Variants in MUCL1 observed in about 807,000 individuals in gnomAD.
MUCL1 encodes mucin-like protein 1.
In MUCL1, 11 loss-of-function variants were observed where a neutral mutation model predicts 9.2. The observed-to-expected ratio is 1.19, with a 90% CI of 0.75 to 1.97. The LOEUF (loss-of-function observed/expected upper bound fraction) is 1.97, where lower values mean the gene tolerates loss of function less well. Ranked by LOEUF, MUCL1 falls within the 30% of genes most tolerant of loss-of-function variation. The pLI is 0.00. For synonymous variants in MUCL1, 48 were observed against 40.5 expected, an observed-to-expected ratio of 1.19 and a Z score of -0.71; for missense variants, 144 against 110.9, an observed-to-expected ratio of 1.30 and a Z score of -1.34.
At chr12:54,855,791 G>A (rs1442086470) in intron 2 of MUCL1, among the ~76,000 whole-genome samples, 4 of 152,174 alleles carry the variant, frequency 2.6e-5, no homozygotes, top group Non-Finnish European at 2.9e-5. Flanking sequence ...AAGTTAAGGG[G>A]GTCTGTCTTT....
At chr12:54,856,240 C>A (rs1465607851) in intron 2 of MUCL1, among the ~76,000 whole-genome samples, 1 of 151,212 alleles carries the variant, frequency 6.6e-6, no homozygotes, top group Non-Finnish European at 1.5e-5. Context: ...TCTTTTCATT[C>A]TAGAACCTGA....
In MUCL1 at chr12:54,856,771, T is replaced by G; in HGVS notation, c.102T>G (p.Thr34=). Residue 34 remains threonine, a splice_region_variant and synonymous_variant, in exon 3 of 4, where the codon ACT becomes ACG. Coordinates refer to ENST00000308796, the MANE Select transcript of MUCL1 (RefSeq NM_058173.3). The part of the protein sequence containing the change: ...TAAPADTYPA[T]GPADDEAPDA... ...TAGAGCTTTTCCTTCTAATTTCAGC[T>G]GGTCCTGCTGATGATGAAGCCCCTG... 1.9e-6 allele frequency: 3 copies of G among 1,610,636 alleles called. No individual in the cohort carries two copies. Among genetic ancestry groups the G allele is most frequent in the Non-Finnish European group, 2.5e-6 (3 of 1,178,364 alleles).
chr12:54,836,063 C>T (rs944137641), upstream of MUCL1, among the ~76,000 whole-genome samples: 1 of 152,032 alleles, frequency 6.6e-6, no homozygotes, highest in Non-Finnish European at 1.5e-5. Flanking sequence ...GTTATGTCCT[C>T]TTCATGCTTT....
At chr12:54,852,561 T>C (rs1868260294), upstream of MUCL1, among the ~76,000 whole-genome samples, 1 of 152,226 alleles carries the variant, frequency 6.6e-6, no homozygotes, top group Non-Finnish European at 1.5e-5. Flanking sequence ...TATCACACTT[T>C]TCCTGTTTAA....
chr12:54,852,849 C>G (rs139256630), upstream of MUCL1, among the ~76,000 whole-genome samples: 36 of 152,084 alleles, frequency 2.4e-4, no homozygotes, highest in African/African-American at 8.7e-4. Flanking sequence ...TTCTTTATCT[C>G]TTTTAAATAT....
upstream of MUCL1, among the ~76,000 whole-genome samples, chr12:54,836,631 T>G (rs1399118126): frequency 6.6e-6 from 1 of 152,168 alleles, no homozygotes; most frequent in Non-Finnish European, 1.5e-5. Flanking sequence ...GTTTTGGGTT[T>G]GGTTTGTCTT....
chr12:54,837,504 G>A (rs554692926), upstream of MUCL1, among the ~76,000 whole-genome samples: 17 of 152,068 alleles, frequency 1.1e-4, no homozygotes, highest in South Asian at 1.5e-3. Context: ...GGTGGCTCAT[G>A]CCTGTAATCC....
chr12:54,836,388 T>A (rs1254493831), upstream of MUCL1, among the ~76,000 whole-genome samples: 1 of 152,180 alleles, frequency 6.6e-6, no homozygotes, highest in East Asian at 1.9e-4. Context: ...CATAGAGGTG[T>A]TATAGTAATC....
upstream of MUCL1, among the ~76,000 whole-genome samples, chr12:54,836,363 T>C (rs911431575): frequency 2.0e-5 from 3 of 152,188 alleles, no homozygotes; most frequent in South Asian, 2.1e-4. Context: ...TTCCTCTAGA[T>C]TTTCTAGTTG....
intron 3 of MUCL1, among the ~76,000 whole-genome samples, 186 bp downstream of exon 3, chr12:54,857,078 T>C (rs1868306398): frequency 1.3e-5 from 2 of 152,068 alleles, no homozygotes; most frequent in African/African-American, 2.4e-5. Context: ...GTTACCTGAC[T>C]CCTAGGTTAC....
At chr12:54,834,871 A>G (rs1050836860), upstream of MUCL1, among the ~76,000 whole-genome samples, 1 of 152,064 alleles carries the variant, frequency 6.6e-6, no homozygotes, top group Non-Finnish European at 1.5e-5. Flanking sequence ...TGTATCCAAT[A>G]TGTAGGTTTT....
upstream of MUCL1, among the ~76,000 whole-genome samples, chr12:54,839,140 A>T (rs9788018): frequency 0.52 from 79,460 of 151,658 alleles, 21,257 homozygotes; most frequent in East Asian, 0.86. Flanking sequence ...TTATCATTAT[A>T]GTTTATTAGA....
At chr12:54,837,399 T>G (rs1323963620), upstream of MUCL1, among the ~76,000 whole-genome samples, 1 of 152,176 alleles carries the variant, frequency 6.6e-6, no homozygotes, top group African/African-American at 2.4e-5. Flanking sequence ...GATATAAGAA[T>G]AGCTACTCCT....
intron 1 of MUCL1, among the ~76,000 whole-genome samples, chr12:54,845,521 T>C (rs1325532048): frequency 9.9e-5 from 15 of 152,126 alleles, no homozygotes; most frequent in Non-Finnish European, 1.5e-5. Context: ...CACCCTTCAC[T>C]TCATAATTTG....
chr12:54,835,798 T>C (rs1400340133), upstream of MUCL1, among the ~76,000 whole-genome samples: 1 of 152,162 alleles, frequency 6.6e-6, no homozygotes, highest in Non-Finnish European at 1.5e-5. Context: ...GGGCAATGGA[T>C]TTGATTGAAT....
At chr12:54,837,630 G>A (rs374644888), upstream of MUCL1, among the ~76,000 whole-genome samples, 16 of 152,216 alleles carry the variant, frequency 1.1e-4, no homozygotes, top group East Asian at 1.4e-3. Context: ...TTAGCCGGGC[G>A]TGGTGGTGGG....
chr12:54,834,853 G>C (rs1197449696), upstream of MUCL1, among the ~76,000 whole-genome samples: 2 of 152,076 alleles, frequency 1.3e-5, no homozygotes, highest in African/African-American at 2.4e-5. Context: ...CACCCGAGCA[G>C]TGTACATTGT....
chr12:54,845,864 C>G (rs563204989), intron 1 of MUCL1, among the ~76,000 whole-genome samples: 88 of 152,250 alleles, frequency 5.8e-4, no homozygotes, highest in African/African-American at 2.0e-3. Flanking sequence ...TCTTTCTCCT[C>G]TAAAAGTGTT....
At chr12:54,836,042 C>G (rs1222701964), upstream of MUCL1, among the ~76,000 whole-genome samples, 1 of 152,002 alleles carries the variant, frequency 6.6e-6, no homozygotes. Flanking sequence ...CTGTAGTTTT[C>G]TTTTTTTGTT....
Sources: gnomAD v4.1 joint callset for allele counts (sites outside exome capture counted in the v4.1 genomes callset) on GRCh38, gnomAD v4.1.1 for gene constraint, MANE v1.5 for transcripts, NCBI Gene and HGNC (gene_info 2026-07-23, HGNC 2026-07-21) for gene names.